DENND1A: variants seen among roughly 807,000 people sequenced by gnomAD.
The protein encoded by DENND1A is DENN domain containing 1A.
In DENND1A, 51 loss-of-function variants were observed where a neutral mutation model predicts 113.7. That is an observed-to-expected ratio of 0.45 (90% CI 0.36 to 0.57). The LOEUF (loss-of-function observed/expected upper bound fraction) is 0.57, where lower values mean the gene tolerates loss of function less well. DENND1A is among the 20% of genes least tolerant of loss of function. The pLI is 0.00. For synonymous variants in DENND1A, 565 were observed against 570.8 expected (o/e 0.99, Z 0.14); for missense variants, 1,258 against 1,395.9 (o/e 0.90, Z 1.57).
chr9:123,477,724 A>G (rs556601952), intron 13 of DENND1A, among the ~76,000 whole-genome samples: 1 of 151,910 alleles, frequency 6.6e-6, no homozygotes, highest in South Asian at 2.1e-4. Context: ...CATCCTGTAC[A>G]TGTACCGTGG....
chr9:123,780,345 T>C lies in DENND1A; in HGVS notation c.133-10782A>G, dbSNP rs186589882. Among the ~76,000 whole-genome samples, 33 of 152,284 alleles carry C rather than the reference T, an allele frequency of 2.2e-4. No individual in the cohort carries two copies. The East Asian group carries it at 5.8e-3, about 27-fold the overall frequency. On this transcript the variant is annotated intron_variant, in intron 3 of 23. Coordinates refer to ENST00000394215, the MANE Select transcript of DENND1A (RefSeq NM_001352964.2). ...TTAAGAATGATGGGGGTTACACTCA[T>C]TACCAGTGTTCCCCAGAGTATCTGG... is the stretch of plus-strand genomic sequence containing the variant.
At chr9:123,668,580 T>A (rs766952191) in intron 7 of DENND1A, among the ~76,000 whole-genome samples, 12 of 152,192 alleles carry the variant, frequency 7.9e-5, no homozygotes, top group Non-Finnish European at 1.6e-4. Context: ...TGGCAGAATA[T>A]GGACCAAAAC....
Position 123,381,537 on chromosome 9 carries a change from C to T in DENND1A, c.3108G>A (p.Glu1036=), listed in dbSNP as rs1453526897. ...SAPQQARDPF[E]DLLQKTKQDV... The stretch of plus-strand genomic sequence containing the variant: ...CTTGCTTGGTTTTCTGTAACAAATC[C>T]TCAAAGGGGTCTCTGGCCTGTTGAG... The change falls in exon 24 of 24, where the codon GAG becomes GAA. Residue 1036 remains glutamate, a synonymous_variant. Transcript: ENST00000394215. The surrounding 1 kb of genome is among the most constrained non-coding windows in gnomAD (Gnocchi z 4.7). The T allele has an allele frequency of 1.2e-6, 2 of 1,613,752 alleles. No homozygotes were observed. Among genetic ancestry groups the T allele is most frequent in the Middle Eastern group, 1.6e-4 (1 of 6,062 alleles).
intron 18 of DENND1A, among the ~76,000 whole-genome samples, chr9:123,448,574 T>C (rs1340545871): frequency 6.6e-6 from 1 of 152,228 alleles, no homozygotes; most frequent in Non-Finnish European, 1.5e-5. Flanking sequence ...CTGCAATCCA[T>C]TTCAGCTACA....
At chr9:123,824,905 A>C (rs922357925) in intron 2 of DENND1A, among the ~76,000 whole-genome samples, 40 of 152,182 alleles carry the variant, frequency 2.6e-4, no homozygotes, top group Non-Finnish European at 5.9e-5. Flanking sequence ...ATCTCTTATA[A>C]ATTTTATTTA....
intron 2 of DENND1A, among the ~76,000 whole-genome samples, chr9:123,818,223 G>A: frequency 6.6e-6 from 1 of 151,248 alleles, no homozygotes; most frequent in Non-Finnish European, 1.5e-5. Context: ...TCCTGCCTCA[G>A]CCTCCCGAGT....
intron 12 of DENND1A, among the ~76,000 whole-genome samples, chr9:123,577,038 A>C (rs1041925338): frequency 2.0e-5 from 3 of 152,144 alleles, no homozygotes; most frequent in Admixed American, 2.0e-4. Context: ...TGAAAAAAAA[A>C]TCAGCTATAA....
intron 5 of DENND1A, among the ~76,000 whole-genome samples, chr9:123,711,486 A>AATAT (rs57675116): frequency 6.9e-5 from 7 of 101,770 alleles, no homozygotes; most frequent in South Asian, 6.2e-4. Flanking sequence ...TAAATTAAAA[A>AATAT]ATATATATAT....
intron 3 of DENND1A, among the ~76,000 whole-genome samples, chr9:123,791,407 T>C (rs72757136): frequency 0.077 from 11,781 of 152,222 alleles, 617 homozygotes; most frequent in Non-Finnish European, 0.11. Context: ...TAGTAGAAGA[T>C]GAAGCAAGAG....
intron 17 of DENND1A, among the ~76,000 whole-genome samples, chr9:123,451,663 C>T (rs894361973): frequency 6.6e-5 from 10 of 152,192 alleles, no homozygotes; most frequent in African/African-American, 2.2e-4. Context: ...CCAGATAGAC[C>T]ATGCTTCCGG....
rs1321629351 is a variant in DENND1A at position 123,923,874 on chromosome 9, A to G, written c.17+6015T>C. Among the ~76,000 whole-genome samples, 3 of 152,170 alleles carry G rather than the reference A, an allele frequency of 2.0e-5. No individual in the cohort carries two copies. The East Asian group carries it at 5.8e-4, about 29-fold the overall frequency. Reference sequence around the variant, plus strand: ...ACAGCTGCTTTAGGAAACAATTTTAACAGTTTCTCAAAATGTTACATAGAG... The same window carrying G: ...ACAGCTGCTTTAGGAAACAATTTTAGCAGTTTCTCAAAATGTTACATAGAG... On this transcript the variant is annotated intron_variant, in intron 1 of 23. Transcript: ENST00000394215.
intron 4 of DENND1A, among the ~76,000 whole-genome samples, chr9:123,769,058 T>A (rs1213036822): frequency 6.6e-6 from 1 of 152,116 alleles, no homozygotes; most frequent in African/African-American, 2.4e-5. Context: ...TATTTAGCAA[T>A]ATTCCCTGCT....
intron 1 of DENND1A, among the ~76,000 whole-genome samples, chr9:123,916,382 T>G (rs1028601593): frequency 6.6e-6 from 1 of 151,374 alleles, no homozygotes; most frequent in Non-Finnish European, 1.5e-5. Flanking sequence ...TTTTTTTTTT[T>G]TTTTTTTGAG....
chr9:123,513,283 G>A (rs1177807969), intron 13 of DENND1A, among the ~76,000 whole-genome samples: 2 of 152,234 alleles, frequency 1.3e-5, no homozygotes, highest in Non-Finnish European at 2.9e-5. Flanking sequence ...GCCAGAGACT[G>A]AGATTGGAAG....
intron 18 of DENND1A, among the ~76,000 whole-genome samples, chr9:123,442,590 T>C (rs1231712689): frequency 2.0e-5 from 3 of 152,090 alleles, no homozygotes; most frequent in Non-Finnish European, 2.9e-5. Context: ...TGTGCCTGTT[T>C]GTGTTTGGCT....
intron 12 of DENND1A, among the ~76,000 whole-genome samples, chr9:123,574,652 T>C (rs1004215259): frequency 6.6e-6 from 1 of 152,170 alleles, no homozygotes; most frequent in Non-Finnish European, 1.5e-5. Context: ...GAGAATGCAG[T>C]CATGGGTTCT....
chr9:123,866,717 T>C (rs554209530), intron 2 of DENND1A, among the ~76,000 whole-genome samples: 1 of 152,318 alleles, frequency 6.6e-6, no homozygotes, highest in Non-Finnish European at 1.5e-5. Context: ...GTGCTGAGCA[T>C]TTTAGTACAT....
At chr9:123,903,955 C>T (rs956050478) in intron 1 of DENND1A, among the ~76,000 whole-genome samples, 2 of 152,136 alleles carry the variant, frequency 1.3e-5, no homozygotes, top group African/African-American at 4.8e-5. Context: ...GTAACCTCTG[C>T]AGACTTAAAT....
chr9:123,850,800 A>G (rs1843232893), intron 2 of DENND1A, among the ~76,000 whole-genome samples: 1 of 152,230 alleles, frequency 6.6e-6, no homozygotes, highest in African/African-American at 2.4e-5. Flanking sequence ...TAAAATAAGC[A>G]CTACTAAGTC....
Sources: gnomAD v4.1 joint callset for allele counts (sites outside exome capture counted in the v4.1 genomes callset) on GRCh38, gnomAD v4.1.1 for gene constraint, Gnocchi (gnomAD v3.1) non-coding constraint, MANE v1.5 for transcripts, NCBI Gene and HGNC (gene_info 2026-07-23, HGNC 2026-07-21) for gene names.